The following RORB variants were observed in gnomAD, a reference collection of about 807,000 sequenced individuals.
RORB encodes nuclear receptor ROR-beta.
A neutral mutation model predicts 59.1 loss-of-function variants in RORB; 6 were observed. The ratio of observed to expected loss-of-function variants is 0.10; its 90% CI spans 0.06 to 0.20. RORB has a LOEUF of 0.20. RORB is among the 10% of genes least tolerant of loss of function. RORB has a pLI of 1.00. For synonymous variants in RORB, 215 were observed against 204.5 expected (o/e 1.05, Z -0.44); for missense variants, 320 against 560.5 (o/e 0.57, Z 4.33).
chr9:74,526,135 A>G (rs1826153024), intron 1 of RORB, among the ~76,000 whole-genome samples: 1 of 151,940 alleles, frequency 6.6e-6, no homozygotes, highest in Non-Finnish European at 1.5e-5. Flanking sequence ...CATCAGAATC[A>G]CAAGAGAATT....
Position 74,582,690 on chromosome 9 carries a change from C to T in RORB, c.8-47592C>T, listed in dbSNP as rs957803447. Among the ~76,000 whole-genome samples, 11 of 152,170 alleles carry T rather than the reference C, an allele frequency of 7.2e-5. No homozygotes were observed. The South Asian group carries it at 2.3e-3, about 32-fold the overall frequency. Reference sequence around the variant, plus strand: ...CTGGATCTGAGCAGCCACTGCTCCTCTGGACAGAGCAGGTACTTACTAGTT... The same window carrying T: ...CTGGATCTGAGCAGCCACTGCTCCTTTGGACAGAGCAGGTACTTACTAGTT... On this transcript the variant is annotated intron_variant, in intron 1 of 9. Coordinates refer to ENST00000376896, the MANE Select transcript of RORB (RefSeq NM_006914.4).
chr9:74,611,724 C>A (rs559104268), intron 1 of RORB, among the ~76,000 whole-genome samples: 1 of 152,102 alleles, frequency 6.6e-6, no homozygotes, highest in South Asian at 2.1e-4. Context: ...CTTGGCTCAC[C>A]GCAACCTCCA....
intron 2 of RORB, among the ~76,000 whole-genome samples, chr9:74,632,812 C>T (rs1823640733): frequency 6.6e-6 from 1 of 152,136 alleles, no homozygotes; most frequent in South Asian, 2.1e-4. Flanking sequence ...TGAGGTTATG[C>T]TTCCTGACAG....
intron 1 of RORB, among the ~76,000 whole-genome samples, chr9:74,504,469 C>A (rs1563923048): frequency 6.6e-6 from 1 of 151,958 alleles, no homozygotes; most frequent in Non-Finnish European, 1.5e-5. Context: ...AGGCTAAAAT[C>A]TTACTCAAAA....
intron 1 of RORB, among the ~76,000 whole-genome samples, chr9:74,608,115 C>T (rs978243900): frequency 1.3e-5 from 2 of 152,052 alleles, no homozygotes; most frequent in African/African-American, 4.8e-5. Flanking sequence ...AGTATCCGCT[C>T]AACAAAGAGG....
chr9:74,544,267 G>A (rs530608600), intron 1 of RORB, among the ~76,000 whole-genome samples: 5 of 152,190 alleles, frequency 3.3e-5, no homozygotes, highest in African/African-American at 9.6e-5. Flanking sequence ...GTCACATGAC[G>A]GAGGCTGAAA....
intron 1 of RORB, among the ~76,000 whole-genome samples, chr9:74,595,092 C>G (rs1822951768): frequency 6.6e-6 from 1 of 152,164 alleles, no homozygotes; most frequent in Non-Finnish European, 1.5e-5. Flanking sequence ...GAGTCACTGT[C>G]CCAGAAACAT....
intron 1 of RORB, among the ~76,000 whole-genome samples, chr9:74,563,396 G>A (rs1286648131): frequency 6.6e-6 from 1 of 151,984 alleles, no homozygotes; most frequent in Non-Finnish European, 1.5e-5. Flanking sequence ...ATATTGGCCA[G>A]GCTAGTCTCA....
chr9:74,629,096 G>A (rs1257141957), intron 1 of RORB, among the ~76,000 whole-genome samples: 3 of 151,862 alleles, frequency 2.0e-5, no homozygotes, highest in South Asian at 2.1e-4. Context: ...TTCCATGTCG[G>A]TTCCCTTTTT....
intron 1 of RORB, among the ~76,000 whole-genome samples, chr9:74,629,725 T>C (rs1823584666): frequency 6.6e-6 from 1 of 152,216 alleles, no homozygotes; most frequent in African/African-American, 2.4e-5. Context: ...ATATCCTTTA[T>C]TATTTTAGAG....
chr9:74,600,728 G>A (rs1823042218), intron 1 of RORB, among the ~76,000 whole-genome samples: 1 of 152,190 alleles, frequency 6.6e-6, no homozygotes, highest in Non-Finnish European at 1.5e-5. Context: ...TTTTCTTGAA[G>A]TATAAGTCCT....
chr9:74,584,054 T>C (rs1357074547), intron 1 of RORB, among the ~76,000 whole-genome samples: 1 of 152,216 alleles, frequency 6.6e-6, no homozygotes, highest in Non-Finnish European at 1.5e-5. Context: ...TGTGCCAGTC[T>C]TGACAGCCAT....
intron 9 of RORB, among the ~76,000 whole-genome samples, chr9:74,684,693 T>C (rs1216687750): frequency 6.6e-6 from 1 of 152,190 alleles, no homozygotes; most frequent in Non-Finnish European, 1.5e-5. Flanking sequence ...ATCCTTCCAC[T>C]CATTTTTAGA....
intron 1 of RORB, among the ~76,000 whole-genome samples, chr9:74,568,755 T>G (rs573617701): frequency 2.0e-5 from 3 of 151,002 alleles, no homozygotes; most frequent in African/African-American, 7.3e-5. Context: ...TTTAAAAATA[T>G]TACAATAGTT....
At chr9:74,622,338 C>A (rs1197263718) in intron 1 of RORB, among the ~76,000 whole-genome samples, 1 of 151,990 alleles carries the variant, frequency 6.6e-6, no homozygotes, top group Non-Finnish European at 1.5e-5. Flanking sequence ...AATGAGCTAT[C>A]AAGTAGAGTA....
chr9:74,618,144 C>A (rs552648555), intron 1 of RORB, among the ~76,000 whole-genome samples: 7 of 152,004 alleles, frequency 4.6e-5, no homozygotes, highest in South Asian at 2.1e-4. Context: ...CACACACACA[C>A]GCACACACAC....
chr9:74,545,741 G>A (rs901189288), intron 1 of RORB, among the ~76,000 whole-genome samples: 5 of 152,034 alleles, frequency 3.3e-5, no homozygotes, highest in Non-Finnish European at 7.4e-5. Context: ...GAGACTTGCA[G>A]TGCTCCTTAG....
intron 1 of RORB, among the ~76,000 whole-genome samples, chr9:74,565,213 G>A (rs1048017239): frequency 6.6e-6 from 1 of 152,106 alleles, no homozygotes; most frequent in African/African-American, 2.4e-5. Context: ...CCCAATCTTT[G>A]CAAAGACACA....
intron 1 of RORB, among the ~76,000 whole-genome samples, chr9:74,525,362 C>G (rs1476005609): frequency 6.6e-6 from 1 of 151,864 alleles, no homozygotes; most frequent in Non-Finnish European, 1.5e-5. Flanking sequence ...GTCATGTTCC[C>G]AAGATCCTTT....
Sources: allele counts gnomAD v4.1 joint callset (sites outside exome capture counted in the v4.1 genomes callset), GRCh38; gene constraint gnomAD v4.1.1; transcripts MANE v1.5; gene names NCBI Gene and HGNC (gene_info 2026-07-23, HGNC 2026-07-21).